Variants in LAMC3 observed in about 807,000 individuals in gnomAD.
LAMC3 encodes laminin subunit gamma-3.
LAMC3 carries 128 observed loss-of-function variants against 173.8 expected under a neutral mutation model. The ratio of observed to expected loss-of-function variants is 0.74; its 90% CI spans 0.64 to 0.85. LAMC3 has a LOEUF of 0.85. Among genes scored for constraint, LAMC3 ranks in the 40% least tolerant of loss-of-function variants. LAMC3 has a pLI of 0.00. For synonymous variants in LAMC3, 897 were observed against 909.1 expected (o/e 0.99, Z 0.24); for missense variants, 2,022 against 2,156.0 (o/e 0.94, Z 1.23).
intron 8 of LAMC3, 97 bp downstream of exon 8, chr9:131,045,757 T>C (rs1834143530): frequency 6.8e-7 from 1 of 1,465,088 alleles, no homozygotes; most frequent in Admixed American, 1.7e-5. Flanking sequence ...GGATCTCCCA[T>C]TGTGGAGAGG....
intron 27 of LAMC3, among the ~76,000 whole-genome samples, chr9:131,090,662 G>A (rs1396948325): frequency 1.3e-5 from 2 of 152,126 alleles, no homozygotes; most frequent in East Asian, 3.9e-4. Flanking sequence ...AGGCCAAGGC[G>A]GGTGGATCAC....
Position 131,033,712 on chromosome 9 carries a change from G to T in LAMC3, c.809+1537G>T, listed in dbSNP as rs375990631. Among the ~76,000 whole-genome samples, 94 of 152,280 alleles carry T rather than the reference G, an allele frequency of 6.2e-4. 1 individual carries two copies. The highest frequency in any genetic ancestry group is 2.1e-3 in the African/African-American group (89 of 41,560). On this transcript the variant is annotated intron_variant, in intron 3 of 27. Transcript: ENST00000361069. ...CGAATGTCAGGAATCGAGGCGGGAG[G>T]CGGCAGCTTGGACCAGAGGGCTGGG...
rs72768542 is a variant in LAMC3 at position 131,087,831 on chromosome 9, A to G, written c.4477+14A>G. On this transcript the variant is annotated intron_variant, in intron 27 of 27. Coordinates refer to ENST00000361069, the MANE Select transcript of LAMC3 (RefSeq NM_006059.4). ...TTGCCAGGCTGGGTAAGGAGGCCCT[A>G]AGGCTGGGCCCTGAACCCCTGGGTC... 205 of 1,610,694 alleles carry G rather than the reference A, an allele frequency of 1.3e-4. No homozygotes were observed. Among genetic ancestry groups the G allele is most frequent in the Non-Finnish European group, 1.7e-4 (195 of 1,177,346 alleles).
Position 131,009,513 on chromosome 9 carries a change from G to A in LAMC3, c.299G>A (p.Ser100Asn), listed in dbSNP as rs1212136695. 5 of 1,554,572 alleles carry A rather than the reference G, an allele frequency of 3.2e-6. No homozygotes were observed. The African/African-American group carries it at 6.8e-5, about 21-fold the overall frequency. ...YLTDFHSQDE[S>N]TWWQSPSMAF... The stretch of plus-strand genomic sequence containing the variant: ...ACCGACTTCCACAGCCAGGACGAGA[G>A]CACCTGGTGGCAGAGCCCGTCCATG... Residue 100 changes from serine to asparagine, a missense_variant, in exon 1 of 28, where the codon AGC (serine) becomes AAC (asparagine). By Grantham distance (46) the Ser-to-Asn change is conservative. Transcript: ENST00000361069. This position sits in a 1 kb window ranked among gnomAD's most constrained non-coding sequence, Gnocchi z 4.3.
At chr9:131,053,105 CA>C (rs1333082697) in intron 11 of LAMC3, 140 bp downstream of exon 11, 4 of 735,718 alleles carry the variant, frequency 5.4e-6, no homozygotes, top group African/African-American at 5.2e-5. Context: ...GAACCTTAGT[CA>C]AAAGTCAGGA....
At chr9:131,016,597 C>T (rs1312484010) in intron 1 of LAMC3, among the ~76,000 whole-genome samples, 1 of 152,062 alleles carries the variant, frequency 6.6e-6, no homozygotes, top group Non-Finnish European at 1.5e-5. Flanking sequence ...AAATGGGAAC[C>T]ATAAGGGACT....
chr9:131,044,720 C>CTA (rs1402662772), intron 7 of LAMC3, among the ~76,000 whole-genome samples: 1 of 152,168 alleles, frequency 6.6e-6, no homozygotes, highest in African/African-American at 2.4e-5. Context: ...TTTCCCAAGC[C>CTA]TATAACTCTG....
chr9:131,024,454 C>G (rs1833684416), intron 1 of LAMC3, among the ~76,000 whole-genome samples: 1 of 152,112 alleles, frequency 6.6e-6, no homozygotes, highest in Non-Finnish European at 1.5e-5. Flanking sequence ...CCTTTTAGCT[C>G]TTACCTAGAG....
chr9:131,009,419 G>A lies in LAMC3; in HGVS notation c.205G>A (p.Gly69Ser), dbSNP rs773194419. The change falls in exon 1 of 28, where the codon GGC becomes AGC. Residue 69 changes from glycine to serine, a missense_variant. Transcript: ENST00000361069. The surrounding 1 kb of genome is among the most constrained non-coding windows in gnomAD (Gnocchi z 4.3). ...CTTCTGTCCCCACGTGGGCGCCGCG[G>A]GCGCGGGGGCTCATTGCCAGCGCTG... ...EDFCPHVGAA[G>S]AGAHCQRCDA... is the part of the protein sequence containing the mutation. 1 of 1,541,754 alleles carries A rather than the reference G, an allele frequency of 6.5e-7. No homozygotes were observed. The highest frequency in any genetic ancestry group is 8.7e-7 in the Non-Finnish European group (1 of 1,145,226).
At position 131,052,562 on chromosome 9, in the gene LAMC3, G is replaced by A. The variant is rs774054516; in HGVS notation, c.1702G>A (p.Asp568Asn). The A allele has an allele frequency of 3.7e-6, 6 of 1,614,108 alleles. No individual in the cohort carries two copies. The highest frequency in any genetic ancestry group is 1.1e-5 in the South Asian group (1 of 91,080). Reference sequence around the variant, plus strand: ...ACTGACCTTCCGGGTGCCCCCCGGGGACTCCCCACTCCCTGTACAGCTGAG... The same window carrying A: ...ACTGACCTTCCGGGTGCCCCCCGGGAACTCCCCACTCCCTGTACAGCTGAG... The part of the protein sequence containing the change: ...LILTFRVPPG[D>N]SPLPVQLRLE... Residue 568 changes from aspartate to asparagine, a missense_variant, in exon 10 of 28, where the codon GAC becomes AAC. Asp to Asn is a conservative substitution (Grantham distance 23). Transcript: ENST00000361069.
chr9:131,069,883 T>A, intron 17 of LAMC3, 33 bp downstream of exon 17: 3 of 1,552,996 alleles, frequency 1.9e-6, no homozygotes, highest in Non-Finnish European at 2.6e-6. Context: ...ACCTTTCCAT[T>A]CATTCTGTAT....
intron 16 of LAMC3, among the ~76,000 whole-genome samples, chr9:131,069,384 T>G (rs2133318873): frequency 6.6e-6 from 1 of 152,268 alleles, no homozygotes; most frequent in Non-Finnish European, 1.5e-5. Flanking sequence ...ATCATGTCAC[T>G]CTCTGGGCCT....
chr9:131,051,109 T>C (rs922725360), intron 9 of LAMC3, among the ~76,000 whole-genome samples: 1 of 152,152 alleles, frequency 6.6e-6, no homozygotes, highest in Non-Finnish European at 1.5e-5. Flanking sequence ...TCGGGAGCTG[T>C]CCACCAAAGC....
chr9:131,058,185 C>G (rs1248250549), intron 12 of LAMC3, among the ~76,000 whole-genome samples: 1 of 152,186 alleles, frequency 6.6e-6, no homozygotes, highest in African/African-American at 2.4e-5. Context: ...GTGGTGCAGT[C>G]TTGGCTCACT....
At chr9:131,075,534 G>C (rs1830107281) in intron 20 of LAMC3, among the ~76,000 whole-genome samples, 1 of 149,112 alleles carries the variant, frequency 6.7e-6, no homozygotes, top group African/African-American at 2.5e-5. Flanking sequence ...CTGCACTCTA[G>C]CCTGGGCAAT....
intron 20 of LAMC3, among the ~76,000 whole-genome samples, chr9:131,074,434 G>A (rs1417918085): frequency 8.0e-5 from 12 of 150,906 alleles, no homozygotes; most frequent in African/African-American, 2.7e-4. Context: ...GGTGGCTCAC[G>A]CCTGTAATCC....
chr9:131,045,395 T>C (rs1834135861), intron 7 of LAMC3, 129 bp from the exon 8 acceptor site: 6 of 1,051,728 alleles, frequency 5.7e-6, no homozygotes, highest in Admixed American at 1.9e-5. Flanking sequence ...TCTAGAATTC[T>C]GAAAAAAAAT....
At chr9:131,032,261 G>T in intron 3 of LAMC3, 86 bp downstream of exon 3, 2 of 495,156 alleles carry the variant, frequency 4.0e-6, no homozygotes, top group Admixed American at 2.2e-5. Context: ...TGGGGGGTGG[G>T]GGGGCACAGA....
At chr9:131,015,584 T>C (rs901604456) in intron 1 of LAMC3, among the ~76,000 whole-genome samples, 1 of 152,084 alleles carries the variant, frequency 6.6e-6, no homozygotes, top group Non-Finnish European at 1.5e-5. Context: ...CACCAACCAC[T>C]CTGAATGTCA....
Sources: allele counts gnomAD v4.1 joint callset (sites outside exome capture counted in the v4.1 genomes callset), GRCh38; gene constraint gnomAD v4.1.1; non-coding constraint Gnocchi (gnomAD v3.1); transcripts MANE v1.5; gene names NCBI Gene and HGNC (gene_info 2026-07-23, HGNC 2026-07-21).